The following ADCY7 variants were observed in gnomAD, a reference collection of about 807,000 sequenced individuals.
ADCY7 encodes adenylate cyclase 7, also known as adenylate cyclase type 7.
A neutral mutation model predicts 120.6 loss-of-function variants in ADCY7; 72 were observed. That is an observed-to-expected ratio of 0.60 (90% confidence interval 0.49 to 0.73). The LOEUF (loss-of-function observed/expected upper bound fraction) is 0.73. Ranked by LOEUF, ADCY7 falls within the 30% of genes least tolerant of loss-of-function variation. ADCY7 has a pLI of 0.00. For missense variants in ADCY7, 1,227 were observed against 1,486.0 expected, an observed-to-expected ratio of 0.83 and a Z score of 2.87; for synonymous variants, 661 against 628.0, an observed-to-expected ratio of 1.05 and a Z score of -0.78.
rs916055100 is a variant in ADCY7, at chr16:50,317,633, T to TAA, written c.*2131_*2132dup. On this transcript the variant is annotated 3_prime_UTR_variant, in exon 26 of 26. Transcript: ENST00000673801. ...TGCTCAGATAATAATAGTTTGTAAG[T>TAA]AAAAGTTTTTAGTTTTCAGTGTTCA... 13 of 152,484 alleles carry TAA rather than the reference T, an allele frequency of 8.5e-5. No individual in the cohort carries two copies. Among genetic ancestry groups the TAA allele is most frequent in the Admixed American group, 3.9e-4 (6 of 15,304 alleles). 9.4% of individuals were successfully genotyped at this position (152,484 alleles called of 1,614,324 possible).
chr16:50,253,933 C>A (rs1015915238), intron 1 of ADCY7, among the ~76,000 whole-genome samples: 28 of 152,126 alleles, frequency 1.8e-4, no homozygotes, highest in Non-Finnish European at 3.4e-4. Flanking sequence ...TTGTCTGTCT[C>A]TAACTGCCTT....
rs754889779 is a variant in ADCY7, at chr16:50,294,759, C to T, written c.948+8C>T. On this transcript the variant is annotated splice_region_variant and intron_variant, in intron 7 of 25. Transcript: ENST00000673801. The stretch of plus-strand genomic sequence containing the variant: ...TTCGACCAGATCGCCAAGGTGAGCC[C>T]GCTGGCCTACAATGGGCAAAGCCAG... 2.0e-5 allele frequency: 32 copies of T among 1,605,298 alleles called. No homozygotes were observed. Among genetic ancestry groups the T allele is most frequent in the South Asian group, 5.5e-5 (5 of 90,138 alleles).
At position 50,278,314 on chromosome 16, in the gene ADCY7, T is replaced by C. The variant is rs188752611; in HGVS notation, c.-268-9598T>C. Reference sequence around the variant, plus strand: ...ACTCAGCCTACCTAAGTGCCAAGATTACAGGCGTGAGCCACCATGCCTGGC... The same window carrying C: ...ACTCAGCCTACCTAAGTGCCAAGATCACAGGCGTGAGCCACCATGCCTGGC... On this transcript the variant is annotated intron_variant, in intron 1 of 25. Coordinates refer to ENST00000673801, the MANE Select transcript of ADCY7 (RefSeq NM_001114.5). Among the ~76,000 whole-genome samples the C allele has an allele frequency of 1.6e-3, 240 of 152,354 alleles. 1 individual carries two copies. The highest frequency in any genetic ancestry group is 5.6e-3 in the African/African-American group (231 of 41,582).
chr16:50,273,882 C>T (rs910681723), intron 1 of ADCY7, among the ~76,000 whole-genome samples: 4 of 152,118 alleles, frequency 2.6e-5, no homozygotes, highest in East Asian at 3.9e-4. Context: ...CATGGCTGGA[C>T]GTGCAGCCAG....
intron 18 of ADCY7, among the ~76,000 whole-genome samples, chr16:50,310,005 A>T (rs116607934): frequency 0.015 from 2,315 of 152,270 alleles, 58 homozygotes; most frequent in African/African-American, 0.052. Flanking sequence ...TCATTAGGTG[A>T]TGGCGCCAGG....
At chr16:50,314,913 C>T in intron 24 of ADCY7, 101 bp from the exon 25 acceptor site, 1 of 1,502,504 alleles carries the variant, frequency 6.7e-7, no homozygotes, top group African/African-American at 1.4e-5. Flanking sequence ...GTTGTTTTGT[C>T]CCCGCATCCT....
rs566095232 is a variant in ADCY7 at position 50,251,699 on chromosome 16, G to T, written c.-64+5496G>T. 1.2e-4 allele frequency among the ~76,000 whole-genome samples: 18 copies of T among 152,274 alleles called. No individual in the cohort carries two copies. The South Asian group carries it at 2.3e-3, about 19-fold the overall frequency. ...ACCGGTGGAAGCTCGGCAGGGTGGC[G>T]CCTCACCCAGAGCTCGGGCCTCCAG... On this transcript the variant is annotated intron_variant, in intron 1 of 4. Transcript: ENST00000564044.
intron 16 of ADCY7, 92 bp from the exon 17 acceptor site, chr16:50,308,575 T>C: frequency 6.4e-7 from 1 of 1,552,598 alleles, no homozygotes; most frequent in Non-Finnish European, 8.7e-7. Flanking sequence ...CCTGGAGGCT[T>C]CTCCCGAGGA....
At chr16:50,306,549 C>A (rs1034003095) in intron 14 of ADCY7, among the ~76,000 whole-genome samples, 1 of 132,080 alleles carries the variant, frequency 7.6e-6, no homozygotes, top group Non-Finnish European at 1.5e-5. Context: ...GGGCTGTGAT[C>A]CTGCGATGGT....
intron 15 of ADCY7, among the ~76,000 whole-genome samples, chr16:50,307,810 A>C (rs1033344497): frequency 6.6e-6 from 1 of 152,136 alleles, no homozygotes; most frequent in African/African-American, 2.4e-5. Context: ...AGCCTGGCCA[A>C]CATGGTGAAA....
Position 50,271,072 on chromosome 16 carries a change from C to T in ADCY7, c.-269+4392C>T, listed in dbSNP as rs553364543. Among the ~76,000 whole-genome samples, 21 of 152,318 alleles carry T rather than the reference C, an allele frequency of 1.4e-4. 1 individual carries two copies. Among genetic ancestry groups the T allele is most frequent in the Admixed American group, 1.2e-3 (18 of 15,296 alleles). ...AACCCTGAGTGCAGACCTGCTTGGC[C>T]GAAGCACCCTCCGTTCCCTGCTCTC... is the stretch of plus-strand genomic sequence containing the variant. On this transcript the variant is annotated intron_variant, in intron 1 of 25. Coordinates refer to ENST00000673801, the MANE Select transcript of ADCY7 (RefSeq NM_001114.5).
chr16:50,305,198 G>A (rs1007601872), intron 12 of ADCY7, among the ~76,000 whole-genome samples: 3 of 152,222 alleles, frequency 2.0e-5, no homozygotes, highest in Admixed American at 6.5e-5. Context: ...CAGTGGAGTC[G>A]GTGGAAGGGA....
In ADCY7 at chr16:50,304,391, T is replaced by G; in HGVS notation, c.1400T>G (p.Leu467Arg). The G allele has an allele frequency of 1.3e-6, 2 of 1,555,000 alleles. No individual in the cohort carries two copies. The highest frequency in any genetic ancestry group is 1.7e-6 in the Non-Finnish European group (2 of 1,148,124). ...SQQPPPPSQH[L>R]PRPKGDAALK... Reference sequence around the variant, plus strand: ...CAGCCACCCCCGCCCAGCCAACACCTCCCCAGGCCCAAGGGGGACGCGGCC... The same window carrying G: ...CAGCCACCCCCGCCCAGCCAACACCGCCCCAGGCCCAAGGGGGACGCGGCC... The change falls in exon 11 of 26, where the codon CTC (leucine) becomes CGC (arginine). Residue 467 changes from leucine to arginine, a missense_variant. Coordinates refer to ENST00000673801, the MANE Select transcript of ADCY7 (RefSeq NM_001114.5).
chr16:50,284,559 G>A (rs898923884), intron 1 of ADCY7, among the ~76,000 whole-genome samples: 1 of 152,274 alleles, frequency 6.6e-6, no homozygotes, highest in Non-Finnish European at 1.5e-5. Flanking sequence ...TGGAGCAGTT[G>A]TGGGGAGTGG....
intron 1 of ADCY7, among the ~76,000 whole-genome samples, chr16:50,271,142 T>C (rs1302314444): frequency 6.6e-6 from 1 of 152,166 alleles, no homozygotes; most frequent in African/African-American, 2.4e-5. Flanking sequence ...AGTGTTGGGG[T>C]GGAGAAGGGT....
intron 1 of ADCY7, among the ~76,000 whole-genome samples, chr16:50,268,846 G>A (rs892950039): frequency 2.6e-5 from 4 of 152,124 alleles, no homozygotes; most frequent in African/African-American, 7.2e-5. Context: ...AGACCAGCCT[G>A]GGCAACATGG....
chr16:50,263,035 CAGG>C (rs1346689099), upstream of ADCY7, among the ~76,000 whole-genome samples: 2 of 152,174 alleles, frequency 1.3e-5, no homozygotes, highest in Non-Finnish European at 2.9e-5. Flanking sequence ...CAGGGAGGGT[CAGG>C]AGCATGGGTT....
At chr16:50,269,276 G>A (rs2150827769) in intron 1 of ADCY7, among the ~76,000 whole-genome samples, 1 of 152,346 alleles carries the variant, frequency 6.6e-6, no homozygotes, top group Admixed American at 6.5e-5. Flanking sequence ...GCCCACCACA[G>A]TGTGGTCTGC....
At position 50,301,184 on chromosome 16, in the gene ADCY7, C is replaced by T. The variant is rs778500082; in HGVS notation, c.1338C>T (p.Asn446=). 6 of 1,609,104 alleles carry T rather than the reference C, an allele frequency of 3.7e-6. No individual in the cohort carries two copies. The highest frequency in any genetic ancestry group is 2.2e-5 in the South Asian group (2 of 90,270). The change falls in exon 10 of 26, where the codon AAC becomes AAT. Residue 446 remains asparagine, a synonymous_variant. Transcript: ENST00000673801. ...QQRDPYLKEM[N]IRTYLVIDPR... ...GGGACCCCTACCTCAAGGAGATGAA[C>T]ATCCGCACCTACCTGGTCATCGACC...
Sources: allele counts gnomAD v4.1 joint callset (sites outside exome capture counted in the v4.1 genomes callset), GRCh38; gene constraint gnomAD v4.1.1; transcripts MANE v1.5; gene names NCBI Gene and HGNC (gene_info 2026-07-23, HGNC 2026-07-21).